MME: variants seen among roughly 807,000 people sequenced by gnomAD.
The protein encoded by MME is membrane metalloendopeptidase, also known as neprilysin.
MME carries 98 observed loss-of-function variants against 113.2 expected under a neutral mutation model. That is an observed-to-expected ratio of 0.87 (90% CI 0.74 to 1.02). The LOEUF is 1.02. Among genes scored for constraint, MME ranks in the 50% least tolerant of loss-of-function variants. The pLI is 0.00. For synonymous variants in MME, 292 were observed against 300.6 expected, an observed-to-expected ratio of 0.97 and a Z score of 0.30; for missense variants, 836 against 896.0, an observed-to-expected ratio of 0.93 and a Z score of 0.86.
chr3:155,086,277 G>A (rs189827108), intron 3 of MME, among the ~76,000 whole-genome samples: 1 of 152,250 alleles, frequency 6.6e-6, no homozygotes, highest in East Asian at 1.9e-4. Flanking sequence ...TAAAACCCAA[G>A]GGACTAAAGA....
chr3:155,028,284 T>C (rs1400938515), intron 1 of MME, among the ~76,000 whole-genome samples: 2 of 152,212 alleles, frequency 1.3e-5, no homozygotes, highest in African/African-American at 2.4e-5. Flanking sequence ...AATGGATTAA[T>C]GTGGCACAAC....
chr3:155,135,546 T>C (rs1303048855), intron 8 of MME, among the ~76,000 whole-genome samples: 1 of 152,182 alleles, frequency 6.6e-6, no homozygotes, highest in Non-Finnish European at 1.5e-5. Flanking sequence ...AGCATTATAG[T>C]ATAATTTGAA....
At position 155,027,695 on chromosome 3, in the gene MME, G is replaced by A. The variant is rs191871656; in HGVS notation, c.-11+3371G>A. Among the ~76,000 whole-genome samples, 36 of 152,230 alleles carry A rather than the reference G, an allele frequency of 2.4e-4. No individual in the cohort carries two copies. In the East Asian group the frequency reaches 6.8e-3, roughly 29 times the overall value. On this transcript the variant is annotated intron_variant, in intron 1 of 22. Transcript: ENST00000492661. ...AACAGTAGGCTTAGATAGAATTTTA[G>A]CATTTTAATAGCATTAAAGGTATAA... is the stretch of plus-strand genomic sequence containing the variant.
rs1721097152 is a variant in MME at position 155,141,645 on chromosome 3, A to G, written c.958-346A>G. On this transcript the variant is annotated intron_variant, in intron 10 of 22. Transcript: ENST00000360490. ...TTTAAAAGCTAAACACTTTACACAC[A>G]TTTCCATTTTTGCATAAACCAAAAA... 2.0e-5 allele frequency among the ~76,000 whole-genome samples: 3 copies of G among 152,142 alleles called. No individual in the cohort carries two copies. The South Asian group carries it at 6.2e-4, about 31-fold the overall frequency.
At chr3:155,097,502 C>A (rs1478224957) in intron 3 of MME, among the ~76,000 whole-genome samples, 1 of 151,998 alleles carries the variant, frequency 6.6e-6, no homozygotes, top group Admixed American at 6.6e-5. Flanking sequence ...ATGTTGAAAG[C>A]AGAAAGGAAG....
intron 3 of MME, chr3:155,090,435 G>A (rs1716188215): frequency 6.6e-6 from 1 of 151,876 alleles, no homozygotes; most frequent in Admixed American, 6.6e-5. Context: ...ACATACCTAT[G>A]ATAAAGTTTA....
intron 1 of MME, among the ~76,000 whole-genome samples, chr3:155,062,668 A>T (rs2108136897): frequency 6.6e-6 from 1 of 152,274 alleles, no homozygotes; most frequent in East Asian, 1.9e-4. Context: ...TAATGATATT[A>T]TTAGAAATAT....
chr3:155,077,651 G>A (rs373563031), upstream of MME, among the ~76,000 whole-genome samples: 9 of 152,194 alleles, frequency 5.9e-5, 1 homozygote, highest in African/African-American at 2.2e-4. Context: ...TGAGGCTGAA[G>A]GATTGCTTGA....
chr3:155,025,927 T>A (rs1014524218), intron 1 of MME, among the ~76,000 whole-genome samples: 1 of 151,708 alleles, frequency 6.6e-6, no homozygotes, highest in Non-Finnish European at 1.5e-5. Flanking sequence ...ACTCCTGACC[T>A]CAAGTTATCT....
chr3:155,114,602 G>A (rs1238112301), intron 3 of MME, among the ~76,000 whole-genome samples: 1 of 152,188 alleles, frequency 6.6e-6, no homozygotes, highest in Non-Finnish European at 1.5e-5. Context: ...GCACTTTGAA[G>A]AGCAGAGTTG....
At chr3:155,174,731 G>A (rs1576676420) in intron 22 of MME, among the ~76,000 whole-genome samples, 1 of 151,926 alleles carries the variant, frequency 6.6e-6, no homozygotes, top group South Asian at 2.1e-4. Context: ...CTAACCTATT[G>A]TTGTTTTATT....
chr3:155,082,109 G>A (rs1715203856), intron 1 of MME, among the ~76,000 whole-genome samples: 1 of 152,130 alleles, frequency 6.6e-6, no homozygotes, highest in South Asian at 2.1e-4. Context: ...CTTACAGGGA[G>A]AAAGAAATGC....
chr3:155,067,885 T>G (rs1218208290), intron 1 of MME, among the ~76,000 whole-genome samples: 2 of 152,118 alleles, frequency 1.3e-5, no homozygotes, highest in African/African-American at 4.8e-5. Context: ...TGTTAAATAG[T>G]TAAACATTAC....
At chr3:155,133,075 A>ATATATATATATATATATATATATATG (rs1720295604) in intron 8 of MME, among the ~76,000 whole-genome samples, 1 of 138,036 alleles carries the variant, frequency 7.2e-6, no homozygotes, top group African/African-American at 2.7e-5. Flanking sequence ...ATATATATAT[A>ATATATATATATATATATATATATATG]TATATGTATA....
rs1242791354 is a variant in MME at position 155,142,123 on chromosome 3, G to A, written c.1090G>A (p.Ala364Thr). The change falls in exon 11 of 23, where the codon GCC (alanine) becomes ACC (threonine). Residue 364 changes from alanine (A) to threonine (T), a missense_variant. Transcript: ENST00000360490. ...TAAGCCCATTCTTACCAAATATTCTGCCAGGTAGGTATGTCACAGTCCCCA... is the reference window on the plus strand; with the variant it reads ...TAAGCCCATTCTTACCAAATATTCTACCAGGTAGGTATGTCACAGTCCCCA... ...KLKPILTKYS[A>T]RDLQNLMSWR... The A allele has an allele frequency of 6.2e-7, 1 of 1,613,806 alleles. No homozygotes were observed. Among genetic ancestry groups the A allele is most frequent in the Admixed American group, 1.7e-5 (1 of 59,990 alleles).
intron 8 of MME, among the ~76,000 whole-genome samples, chr3:155,125,726 TG>T (rs948523006): frequency 6.6e-6 from 1 of 151,990 alleles, no homozygotes; most frequent in African/African-American, 2.4e-5. Context: ...CCTAAAGTGC[TG>T]GGATTACAGA....
intron 1 of MME, among the ~76,000 whole-genome samples, chr3:155,083,250 G>C (rs73168188): frequency 3.3e-5 from 5 of 152,202 alleles, no homozygotes; most frequent in Admixed American, 1.3e-4. Flanking sequence ...TCTTGAACAC[G>C]TTGCCTGACT....
intron 20 of MME, 72 bp downstream of exon 20, chr3:155,168,869 C>T (rs990676595): frequency 1.5e-6 from 2 of 1,357,902 alleles, no homozygotes; most frequent in African/African-American, 2.9e-5. Context: ...TCATTTAAAA[C>T]CTTTTGCAAA....
intron 12 of MME, among the ~76,000 whole-genome samples, chr3:155,142,845 G>A (rs1721221763): frequency 6.6e-6 from 1 of 152,046 alleles, no homozygotes; most frequent in Non-Finnish European, 1.5e-5. Context: ...TAGGGATTGA[G>A]GAAGGAGAGA....
Sources: gnomAD v4.1 joint callset for allele counts (sites outside exome capture counted in the v4.1 genomes callset) on GRCh38, gnomAD v4.1.1 for gene constraint, MANE v1.5 for transcripts, NCBI Gene and HGNC (gene_info 2026-07-23, HGNC 2026-07-21) for gene names.